EPHA3: variants seen among roughly 807,000 people sequenced by gnomAD.
EPHA3 encodes the protein ephrin type-A receptor 3.
Under a neutral mutation model 107.1 loss-of-function variants are expected in EPHA3, and 42 were observed. The observed-to-expected ratio is 0.39, with a 90% CI of 0.31 to 0.51. EPHA3 has a LOEUF of 0.51. Ranked by LOEUF, EPHA3 falls within the 20% of genes least tolerant of loss-of-function variation. The pLI, the probability that EPHA3 is intolerant of heterozygous loss-of-function variation, is 0.78. For missense variants in EPHA3, 1,183 were observed against 1,211.2 expected (o/e 0.98, Z 0.35); for synonymous variants, 461 against 424.8 (o/e 1.09, Z -1.05).
intron 16 of EPHA3, among the ~76,000 whole-genome samples, chr3:89,478,218 A>G (rs1355898323): frequency 1.3e-5 from 2 of 152,192 alleles, no homozygotes; most frequent in African/African-American, 2.4e-5. Context: ...AAATTATTAT[A>G]TATTTAATAA....
intron 3 of EPHA3, among the ~76,000 whole-genome samples, chr3:89,297,858 A>C (rs933387742): frequency 1.2e-4 from 19 of 152,046 alleles, no homozygotes; most frequent in African/African-American, 4.3e-4. Context: ...AACATGGCAA[A>C]ACCCCGTCTC....
chr3:89,223,589 C>T (rs1241524399), intron 3 of EPHA3, among the ~76,000 whole-genome samples: 1 of 152,030 alleles, frequency 6.6e-6, no homozygotes, highest in Non-Finnish European at 1.5e-5. Flanking sequence ...TGAGATTTAC[C>T]CAGCAGGGTT....
At chr3:89,220,399 A>G (rs1259937252) in intron 3 of EPHA3, among the ~76,000 whole-genome samples, 3 of 152,160 alleles carry the variant, frequency 2.0e-5, no homozygotes, top group African/African-American at 7.2e-5. Context: ...AAACAAAACT[A>G]AGATGGATTT....
chr3:89,418,146 T>C (rs929677567), intron 10 of EPHA3, among the ~76,000 whole-genome samples: 10 of 151,498 alleles, frequency 6.6e-5, no homozygotes, highest in African/African-American at 2.4e-4. Flanking sequence ...TGGACCAAGA[T>C]TATGATTCCA....
At chr3:89,472,936 T>C (rs1160716247) in intron 16 of EPHA3, among the ~76,000 whole-genome samples, 3 of 152,184 alleles carry the variant, frequency 2.0e-5, no homozygotes, top group Non-Finnish European at 4.4e-5. Context: ...ATTTAAAACA[T>C]AAGCAGACAT....
intron 5 of EPHA3, among the ~76,000 whole-genome samples, chr3:89,388,637 A>T (rs1232772866): frequency 6.6e-6 from 1 of 152,184 alleles, no homozygotes; most frequent in Non-Finnish European, 1.5e-5. Flanking sequence ...AGAGCAATAA[A>T]TGACAAAGCT....
At chr3:89,343,172 GGT>G (rs1707571945) in intron 5 of EPHA3, among the ~76,000 whole-genome samples, 1 of 152,092 alleles carries the variant, frequency 6.6e-6, no homozygotes, top group African/African-American at 2.4e-5. Context: ...TTATCACCTA[GGT>G]CTTCTAGTAG....
chr3:89,175,370 T>G (rs1705300221), intron 2 of EPHA3, among the ~76,000 whole-genome samples: 1 of 152,060 alleles, frequency 6.6e-6, no homozygotes, highest in Non-Finnish European at 1.5e-5. Flanking sequence ...GATTGCAAGA[T>G]CCTTTCTAAC....
chr3:89,331,424 G>T (rs1401630113), intron 3 of EPHA3, among the ~76,000 whole-genome samples: 1 of 152,074 alleles, frequency 6.6e-6, no homozygotes, highest in African/African-American at 2.4e-5. Context: ...AAATGTATGA[G>T]AATAGCATAA....
rs550566580 is a variant in EPHA3, at chr3:89,390,990, TG to T, written c.1307-4845del. Reference sequence around the variant, plus strand: ...TTTTTAGTAGAGCCGGGTTTCATGTTGGCCAGGCTGGTCTCGAACTCCTGAC... The same window carrying T: ...TTTTTAGTAGAGCCGGGTTTCATGTTGCCAGGCTGGTCTCGAACTCCTGAC... On this transcript the variant is annotated intron_variant, in intron 5 of 16. Coordinates refer to ENST00000336596, the MANE Select transcript of EPHA3 (RefSeq NM_005233.6). Among the ~76,000 whole-genome samples the T allele has an allele frequency of 1.7e-3, 252 of 152,058 alleles. 2 individuals are homozygous for T. Among genetic ancestry groups the T allele is most frequent in the African/African-American group, 5.4e-3 (226 of 41,494 alleles).
At chr3:89,146,929 A>T (rs544699560) in intron 2 of EPHA3, among the ~76,000 whole-genome samples, 7 of 151,904 alleles carry the variant, frequency 4.6e-5, no homozygotes, top group Non-Finnish European at 1.0e-4. Context: ...AAAACTTGGA[A>T]CCAACCCAAA....
chr3:89,110,515 A>G (rs1343654439), intron 1 of EPHA3, among the ~76,000 whole-genome samples: 2 of 152,002 alleles, frequency 1.3e-5, no homozygotes, highest in Non-Finnish European at 2.9e-5. Flanking sequence ...ACTCCAGGTG[A>G]TAATAGGGAC....
At chr3:89,170,000 G>T (rs1705174908) in intron 2 of EPHA3, among the ~76,000 whole-genome samples, 1 of 152,092 alleles carries the variant, frequency 6.6e-6, no homozygotes, top group South Asian at 2.1e-4. Flanking sequence ...TGTAATCCCA[G>T]CACTTTGGGA....
intron 2 of EPHA3, among the ~76,000 whole-genome samples, chr3:89,186,016 TTCTC>T (rs1286615655): frequency 2.0e-5 from 3 of 151,806 alleles, no homozygotes; most frequent in East Asian, 1.9e-4. Context: ...TCTTTTTTCT[TTCTC>T]TCTCTCTCCT....
At chr3:89,199,130 G>A (rs768649171) in intron 2 of EPHA3, among the ~76,000 whole-genome samples, 2 of 152,120 alleles carry the variant, frequency 1.3e-5, no homozygotes, top group Admixed American at 1.3e-4. Flanking sequence ...TGATTAGAAA[G>A]ACAGAGTGAG....
intron 5 of EPHA3, among the ~76,000 whole-genome samples, chr3:89,376,528 G>A (rs1358513806): frequency 6.6e-6 from 1 of 151,732 alleles, no homozygotes; most frequent in Non-Finnish European, 1.5e-5. Flanking sequence ...AACTGGTGTA[G>A]GGTTTCTGAT....
intron 5 of EPHA3, among the ~76,000 whole-genome samples, chr3:89,391,287 G>A (rs1708725311): frequency 6.6e-6 from 1 of 152,128 alleles, no homozygotes. Context: ...CGCTGTGTAA[G>A]TCCGGAGAAG....
intron 3 of EPHA3, among the ~76,000 whole-genome samples, chr3:89,247,381 G>C (rs1352611536): frequency 6.6e-6 from 1 of 152,196 alleles, no homozygotes; most frequent in East Asian, 1.9e-4. Context: ...TCATGGCAAA[G>C]TTCTGAAGGT....
rs181557941 is a variant in EPHA3 at position 89,383,939 on chromosome 3, C to T, written c.1307-11898C>T. On this transcript the variant is annotated intron_variant, in intron 5 of 16. Coordinates refer to ENST00000336596, the MANE Select transcript of EPHA3 (RefSeq NM_005233.6). The stretch of plus-strand genomic sequence containing the variant: ...CTGGGATTACAGGCGTGAGCCACCG[C>T]ACCTAGCCAGTCAGCCAATTTCTAA... Among the ~76,000 whole-genome samples, 755 of 152,128 alleles carry T rather than the reference C, an allele frequency of 5.0e-3. 9 individuals carry two copies. Among genetic ancestry groups the T allele is most frequent in the African/African-American group, 0.017 (717 of 41,504 alleles).
Sources: allele counts gnomAD v4.1 joint callset (sites outside exome capture counted in the v4.1 genomes callset), GRCh38; gene constraint gnomAD v4.1.1; transcripts MANE v1.5; gene names NCBI Gene and HGNC (gene_info 2026-07-23, HGNC 2026-07-21).